C12orf54: variants seen among roughly 807,000 people sequenced by gnomAD.
C12orf54 encodes the protein chromosome 12 open reading frame 54.
C12orf54 carries 24 observed loss-of-function variants against 26.4 expected under a neutral mutation model. The observed-to-expected ratio is 0.91, with a 90% CI of 0.66 to 1.28. The LOEUF (loss-of-function observed/expected upper bound fraction) is 1.28, where lower values mean the gene tolerates loss of function less well. Ranked by LOEUF, C12orf54 falls within the 50% of genes most tolerant of loss-of-function variation. The pLI is 0.00. For missense variants in C12orf54, 154 were observed against 150.9 expected (o/e 1.02, Z -0.11); for synonymous variants, 54 against 47.0 (o/e 1.15, Z -0.61).
chr12:48,474,173 A>ATAT, the C12orf54 span, among the ~76,000 whole-genome samples: 1 of 152,236 alleles, frequency 6.6e-6, no homozygotes, highest in South Asian at 2.1e-4. Context: ...GTTCTGTAAA[A>ATAT]TATTAGAATG....
In C12orf54 at chr12:48,486,162, C is replaced by T; in HGVS notation, c.66-16C>T. On this transcript the variant is annotated splice_polypyrimidine_tract_variant and intron_variant, in intron 2 of 8. Coordinates refer to ENST00000548364, the MANE Select transcript of C12orf54 (RefSeq NM_152319.4). Reference sequence around the variant, plus strand: ...TCTGTGCTCCTCATCAGGTTTATATCATTCTTTCTTTGCAGCACATCCATA... The same window carrying T: ...TCTGTGCTCCTCATCAGGTTTATATTATTCTTTCTTTGCAGCACATCCATA... The T allele has an allele frequency of 6.2e-7, 1 of 1,605,686 alleles. No homozygotes were observed. The highest frequency in any genetic ancestry group is 1.1e-5 in the South Asian group (1 of 90,928).
chr12:48,488,230 G>A (rs4265629), intron 4 of C12orf54: 102,857 of 668,814 alleles, frequency 0.15, 15,744 homozygotes, highest in East Asian at 0.63. Context: ...ACTCTATGCC[G>A]CAGCCATCCA....
intron 1 of C12orf54, among the ~76,000 whole-genome samples, chr12:48,482,935 CTT>C (rs35033434): frequency 6.7e-6 from 1 of 148,458 alleles, no homozygotes; most frequent in African/African-American, 2.5e-5. Flanking sequence ...TAGATTCTCT[CTT>C]TTTTTTTTTC....
Position 48,496,377 on chromosome 12 carries a change from A to G in C12orf54, c.*237A>G, listed in dbSNP as rs1398283020. 6.6e-6 allele frequency: 1 copy of G among 152,662 alleles called. No homozygotes were observed. The highest frequency in any genetic ancestry group is 6.5e-5 in the Admixed American group (1 of 15,286). The allele number at this position is 152,662 out of a possible 1,614,324, so 9.5% of individuals were successfully genotyped here. ...GCAAACAGCTGATGAAATAAATGTG[A>G]CGTAGAAGACTTGCCTTCCTGGTTC... On this transcript the variant is annotated 3_prime_UTR_variant, in exon 9 of 9. Transcript: ENST00000548364.
chr12:48,442,489 A>T, the C12orf54 span: 1 of 157,228 alleles, frequency 6.4e-6, no homozygotes, highest in Non-Finnish European at 1.4e-5. Context: ...TGATGAGGGC[A>T]TCCAGAAAAG....
the C12orf54 span, among the ~76,000 whole-genome samples, chr12:48,461,219 C>T: frequency 1.3e-5 from 2 of 151,844 alleles, no homozygotes; most frequent in African/African-American, 4.8e-5. Flanking sequence ...ATAAAAAAAG[C>T]ATCTGTGCAT....
the C12orf54 span, among the ~76,000 whole-genome samples, chr12:48,456,251 C>T: frequency 2.0e-5 from 3 of 152,110 alleles, no homozygotes; most frequent in Non-Finnish European, 4.4e-5. Flanking sequence ...GACACTCACA[C>T]TGTAATGAGG....
chr12:48,445,286 C>T, the C12orf54 span, among the ~76,000 whole-genome samples: 3 of 151,772 alleles, frequency 2.0e-5, no homozygotes, highest in Admixed American at 2.0e-4. Flanking sequence ...AATTGGGAGC[C>T]AGTCGAGGAT....
Position 48,490,903 on chromosome 12 carries a change from T to C in C12orf54, c.193+67T>C, listed in dbSNP as rs1473618943. 3 of 1,551,260 alleles carry C rather than the reference T, an allele frequency of 1.9e-6. No homozygotes were observed. In the African/African-American group the frequency reaches 4.1e-5, roughly 21 times the overall value. ...GAGGGGATTTGGAATTCAAGTCTCA[T>C]TGTATCCATTTGCCATACAAAAGAA... On this transcript the variant is annotated intron_variant, in intron 6 of 8. Transcript: ENST00000548364.
chr12:48,473,144 T>A, the C12orf54 span: 2 of 1,594,878 alleles, frequency 1.3e-6, no homozygotes, highest in Non-Finnish European at 1.7e-6. Context: ...ACTCGGATGG[T>A]GAGGGCTTTG....
chr12:48,476,558 A>G, the C12orf54 span, among the ~76,000 whole-genome samples: 10 of 152,322 alleles, frequency 6.6e-5, no homozygotes, highest in South Asian at 1.7e-3. Context: ...AAGATCTACC[A>G]AACAAATGGA....
chr12:48,486,063 T>C, intron 2 of C12orf54, 115 bp from the exon 3 acceptor site: 1 of 1,060,126 alleles, frequency 9.4e-7, no homozygotes, highest in Non-Finnish European at 1.4e-6. Context: ...CCTTCCTGGA[T>C]TTTTAGTATA....
chr12:48,431,084 G>T, the C12orf54 span, among the ~76,000 whole-genome samples: 1 of 152,286 alleles, frequency 6.6e-6, no homozygotes, highest in East Asian at 1.9e-4. Context: ...ACCCATATGT[G>T]GGACCTAAGC....
upstream of C12orf54, among the ~76,000 whole-genome samples, chr12:48,479,349 T>C (rs535077798): frequency 6.6e-6 from 1 of 151,838 alleles, no homozygotes; most frequent in Non-Finnish European, 1.5e-5. Flanking sequence ...ACATCACACG[T>C]TGGGGACTGC....
the C12orf54 span, among the ~76,000 whole-genome samples, chr12:48,465,891 A>C: frequency 1.3e-5 from 2 of 152,094 alleles, no homozygotes; most frequent in Non-Finnish European, 2.9e-5. Context: ...ACAAGGGAGA[A>C]CTTCTATCTA....
intron 6 of C12orf54, 101 bp downstream of exon 6, chr12:48,490,937 TAAG>T: frequency 7.1e-7 from 1 of 1,416,100 alleles, no homozygotes; most frequent in Non-Finnish European, 9.9e-7. Flanking sequence ...AAAATGGAGA[TAAG>T]AAGTGAGATA....
At chr12:48,423,048 C>T in the C12orf54 span, among the ~76,000 whole-genome samples, 1 of 152,160 alleles carries the variant, frequency 6.6e-6, no homozygotes, top group Non-Finnish European at 1.5e-5. Context: ...GAACAACTTT[C>T]ATTTCAAATG....
chr12:48,469,149 A>G, the C12orf54 span, among the ~76,000 whole-genome samples: 1 of 152,188 alleles, frequency 6.6e-6, no homozygotes, highest in Non-Finnish European at 1.5e-5. Flanking sequence ...CTTAACAGGA[A>G]ACAGGGTTCA....
upstream of C12orf54, among the ~76,000 whole-genome samples, chr12:48,477,693 C>T (rs566127689): frequency 1.4e-3 from 209 of 152,192 alleles, no homozygotes; most frequent in African/African-American, 4.6e-3. Context: ...CAAGACTAAA[C>T]CAGGAAGAAG....
Sources: gnomAD v4.1 joint callset for allele counts (sites outside exome capture counted in the v4.1 genomes callset) on GRCh38, gnomAD v4.1.1 for gene constraint, MANE v1.5 for transcripts, NCBI Gene and HGNC (gene_info 2026-07-23, HGNC 2026-07-21) for gene names.